Variants in INSYN2B observed in about 807,000 individuals in gnomAD.
INSYN2B encodes the protein inhibitory synaptic factor family member 2B, also known as protein INSYN2B.
INSYN2B carries 16 observed loss-of-function variants against 41.2 expected under a neutral mutation model. The observed-to-expected ratio is 0.39, with a 90% CI of 0.26 to 0.59. The LOEUF is 0.59. INSYN2B is among the 20% of genes least tolerant of loss of function. The probability of loss-of-function intolerance (pLI) is 0.57; values close to 1 mark genes in which losing one functional copy is unlikely to be tolerated. For missense variants in INSYN2B, 608 were observed against 646.4 expected, an observed-to-expected ratio of 0.94 and a Z score of 0.64; for synonymous variants, 245 against 244.4, an observed-to-expected ratio of 1.00 and a Z score of -0.02.
At chr5:169,893,862 G>A (rs1297167173) in intron 1 of INSYN2B, among the ~76,000 whole-genome samples, 3 of 152,194 alleles carry the variant, frequency 2.0e-5, no homozygotes, top group Non-Finnish European at 4.4e-5. Context: ...AAGAAGGCAG[G>A]AAAATCGTTT....
intron 1 of INSYN2B, among the ~76,000 whole-genome samples, chr5:169,896,517 A>G (rs2113560578): frequency 6.6e-6 from 1 of 152,326 alleles, no homozygotes; most frequent in South Asian, 2.1e-4. Flanking sequence ...TGTAGCTAAT[A>G]ATATTACTTA....
chr5:169,978,375 ATGTG>A (rs70979152), intron 1 of INSYN2B, among the ~76,000 whole-genome samples: 694 of 25,600 alleles, frequency 0.027, 28 homozygotes, highest in Middle Eastern at 0.068. Context: ...GGCTCTGTGT[ATGTG>A]TGTGTGTGTG....
chr5:169,888,702 C>G (rs573472731), intron 1 of INSYN2B, among the ~76,000 whole-genome samples: 1 of 152,316 alleles, frequency 6.6e-6, no homozygotes, highest in East Asian at 1.9e-4. Context: ...TGACTTGGAA[C>G]AAGTGACTTG....
In INSYN2B at chr5:169,882,217, T is replaced by C. The variant is rs564178949; in HGVS notation, c.1346+336A>G. Reference sequence around the variant, plus strand: ...AGAGGAGGGGGATGGGGAAGTGCCTTCCTGCTATCATTTTCCCCCATCATG... The same window carrying C: ...AGAGGAGGGGGATGGGGAAGTGCCTCCCTGCTATCATTTTCCCCCATCATG... On this transcript the variant is annotated intron_variant, in intron 2 of 3. Transcript: ENST00000377365. Among the ~76,000 whole-genome samples, 7 of 152,310 alleles carry C rather than the reference T, an allele frequency of 4.6e-5. No individual in the cohort carries two copies. In the East Asian group the frequency reaches 1.2e-3, roughly 25 times the overall value.
intron 3 of INSYN2B, chr5:169,875,839 T>C (rs368920562): frequency 6.5e-6 from 1 of 152,744 alleles, no homozygotes; most frequent in East Asian, 1.9e-4. Context: ...GTAAAAATCA[T>C]CAGTTAAAGG....
At chr5:169,867,158 G>C (rs1467699551) in intron 3 of INSYN2B, among the ~76,000 whole-genome samples, 3 of 152,176 alleles carry the variant, frequency 2.0e-5, no homozygotes, top group Admixed American at 6.5e-5. Context: ...GAGATGTGTG[G>C]GGGCTTCAGC....
intron 1 of INSYN2B, among the ~76,000 whole-genome samples, chr5:169,969,489 G>A (rs1561857695): frequency 6.6e-6 from 1 of 152,218 alleles, no homozygotes; most frequent in Non-Finnish European, 1.5e-5. Flanking sequence ...CTTCATTTGT[G>A]TCAGAGAGAG....
Position 169,881,382 on chromosome 5 carries a change from C to T in INSYN2B, c.1407G>A (p.Ala469=), listed in dbSNP as rs528394115. Residue 469 remains alanine, a synonymous_variant, in exon 3 of 4, where the codon GCG becomes GCA. Coordinates refer to ENST00000377365, the MANE Select transcript of INSYN2B (RefSeq NM_001129891.3). The part of the protein sequence containing the change: ...LNNCSTCQNT[A]CIIYSVEYDF... ...TGGCCAGGTACCTGTATATGATGCACGCCGTGTTCTGGCAGGTACTGCAAT... is the reference window on the plus strand; with the variant it reads ...TGGCCAGGTACCTGTATATGATGCATGCCGTGTTCTGGCAGGTACTGCAAT... 2.3e-5 allele frequency: 35 copies of T among 1,551,460 alleles called. No individual in the cohort carries two copies. Among genetic ancestry groups the T allele is most frequent in the South Asian group, 9.5e-5 (8 of 84,048 alleles).
At chr5:169,909,404 G>C (rs1774466813) in intron 1 of INSYN2B, among the ~76,000 whole-genome samples, 1 of 152,118 alleles carries the variant, frequency 6.6e-6, no homozygotes, top group South Asian at 2.1e-4. Flanking sequence ...TCAGAAAGAT[G>C]CTATCCAATT....
In INSYN2B at chr5:169,885,164, C is replaced by T. The variant is rs570001993; in HGVS notation, c.-918-348G>A. The stretch of plus-strand genomic sequence containing the variant: ...GACCACATCAGGACCCATTGTACAT[C>T]CTCGTCACATTTTTCACAATACAAA... On this transcript the variant is annotated intron_variant, in intron 1 of 3. Coordinates refer to ENST00000377365, the MANE Select transcript of INSYN2B (RefSeq NM_001129891.3). 9.2e-5 allele frequency among the ~76,000 whole-genome samples: 14 copies of T among 152,318 alleles called. No individual in the cohort carries two copies. In the South Asian group the frequency reaches 1.9e-3, roughly 20 times the overall value.
chr5:169,927,750 G>A (rs254719), intron 1 of INSYN2B, among the ~76,000 whole-genome samples: 11,759 of 152,254 alleles, frequency 0.077, 668 homozygotes, highest in Non-Finnish European at 0.12. Flanking sequence ...CCGAGTAGCT[G>A]GGACTACAGG....
At chr5:169,942,953 CTA>C (rs1776299339) in intron 1 of INSYN2B, among the ~76,000 whole-genome samples, 1 of 152,134 alleles carries the variant, frequency 6.6e-6, no homozygotes, top group Admixed American at 6.5e-5. Context: ...ATGAGAGACT[CTA>C]TGTAAAACAC....
intron 1 of INSYN2B, among the ~76,000 whole-genome samples, chr5:169,935,113 T>C (rs982474041): frequency 6.6e-6 from 1 of 152,108 alleles, no homozygotes; most frequent in Non-Finnish European, 1.5e-5. Flanking sequence ...CGTGGCAAGA[T>C]TTGGATAGAA....
chr5:169,894,326 C>T (rs1773466761), intron 1 of INSYN2B, among the ~76,000 whole-genome samples: 1 of 152,130 alleles, frequency 6.6e-6, no homozygotes, highest in Admixed American at 6.5e-5. Flanking sequence ...AGCTGGGTGC[C>T]TCTTAGAGGT....
intron 3 of INSYN2B, chr5:169,875,404 G>A (rs1772266886): frequency 2.3e-6 from 1 of 429,810 alleles, no homozygotes; most frequent in South Asian, 1.6e-5. Context: ...AAACCCTCAC[G>A]ATGCCCTTGG....
chr5:169,874,317 G>A (rs575800490), intron 3 of INSYN2B, among the ~76,000 whole-genome samples: 44 of 149,820 alleles, frequency 2.9e-4, no homozygotes, highest in Non-Finnish European at 5.5e-4. Flanking sequence ...GGAGGCTGAG[G>A]CAGAAAAATC....
chr5:169,968,028 G>A (rs1777367372), intron 1 of INSYN2B, among the ~76,000 whole-genome samples: 1 of 152,184 alleles, frequency 6.6e-6, no homozygotes, highest in Admixed American at 6.5e-5. Context: ...TGCCCATGAG[G>A]TGGAAATGTC....
chr5:169,963,002 A>G (rs1446740128), intron 1 of INSYN2B, among the ~76,000 whole-genome samples: 1 of 152,172 alleles, frequency 6.6e-6, no homozygotes, highest in African/African-American at 2.4e-5. Flanking sequence ...CAAGGGTGGA[A>G]GAATTGACAT....
intron 1 of INSYN2B, among the ~76,000 whole-genome samples, chr5:169,954,153 G>A (rs1776773881): frequency 6.6e-6 from 1 of 152,180 alleles, no homozygotes; most frequent in East Asian, 1.9e-4. Context: ...GTTATTATTT[G>A]CTGTAGTATG....
Sources: gnomAD v4.1 joint callset for allele counts (sites outside exome capture counted in the v4.1 genomes callset) on GRCh38, gnomAD v4.1.1 for gene constraint, MANE v1.5 for transcripts, NCBI Gene and HGNC (gene_info 2026-07-23, HGNC 2026-07-21) for gene names.